The following NDUFAF7 variants were observed in gnomAD, a reference collection of about 807,000 sequenced individuals.
NDUFAF7 encodes the protein NADH:ubiquinone oxidoreductase complex assembly factor 7, also known as protein arginine methyltransferase NDUFAF7, mitochondrial.
A neutral mutation model predicts 47.2 loss-of-function variants in NDUFAF7; 48 were observed. The observed-to-expected ratio is 1.02, with a 90% CI of 0.81 to 1.29. NDUFAF7 has a LOEUF of 1.29. Ranked by LOEUF, NDUFAF7 falls within the 50% of genes most tolerant of loss-of-function variation. NDUFAF7 has a pLI of 0.00. For synonymous variants in NDUFAF7, 217 were observed against 190.0 expected, an observed-to-expected ratio of 1.14 and a Z score of -1.17; for missense variants, 635 against 537.6, an observed-to-expected ratio of 1.18 and a Z score of -1.79.
chr2:37,237,322 A>G (rs1195938045), intron 3 of NDUFAF7, among the ~76,000 whole-genome samples: 4 of 152,234 alleles, frequency 2.6e-5, no homozygotes, highest in African/African-American at 4.8e-5. Context: ...AGTACCTTCT[A>G]TGAATTTAGA....
chr2:37,269,365 T>A, the NDUFAF7 span: 1 of 474,284 alleles, frequency 2.1e-6, no homozygotes, highest in African/African-American at 2.0e-5. Flanking sequence ...CATCTGTATG[T>A]GTGAGCTACA....
downstream of NDUFAF7, among the ~76,000 whole-genome samples, chr2:37,257,505 G>A (rs907424669): frequency 2.6e-5 from 4 of 151,604 alleles, no homozygotes; most frequent in Non-Finnish European, 5.9e-5. Context: ...CTCTACTGAA[G>A]ATACAAAAAA....
rs1332772701 is a variant in NDUFAF7, at chr2:37,231,721, A to G, written c.16A>G (p.Arg6Gly). 3 of 1,614,162 alleles carry G rather than the reference A, an allele frequency of 1.9e-6. No homozygotes were observed. The highest frequency in any genetic ancestry group is 2.5e-6 in the Non-Finnish European group (3 of 1,180,022). Residue 6 changes from arginine (R) to glycine (G), a missense_variant, in exon 1 of 10, where the codon AGG becomes GGG. Transcript: ENST00000002125. ...GAATTTCAGCATGAGTGTACTGCTG[A>G]GGTCAGGTTTGGGGCCGTTGTGTGC... MSVLL[R>G]SGLGPLCAVA...
intron 2 of NDUFAF7, among the ~76,000 whole-genome samples, 174 bp from the exon 3 acceptor site, chr2:37,235,922 T>G (rs1665705544): frequency 6.6e-6 from 1 of 152,186 alleles, no homozygotes; most frequent in Non-Finnish European, 1.5e-5. Context: ...CCTCCCAAAG[T>G]GCTGGGATTA....
chr2:37,237,990 A>G, intron 4 of NDUFAF7, 123 bp downstream of exon 4: 1 of 754,078 alleles, frequency 1.3e-6, no homozygotes. Flanking sequence ...GCTAAAATAT[A>G]ATGTCAGAAT....
chr2:37,265,038 C>CT, the NDUFAF7 span, among the ~76,000 whole-genome samples: 2 of 152,134 alleles, frequency 1.3e-5, no homozygotes, highest in East Asian at 3.8e-4. Context: ...CATCTTTTCT[C>CT]TAAGTATGTG....
rs1397674286 is a variant in NDUFAF7, at chr2:37,247,555, G to T, written c.1036G>T (p.Gly346Ter). 6.2e-7 allele frequency: 1 copy of T among 1,613,994 alleles called. No homozygotes were observed. ...DFSYLRRMAQGKVASLGPIKQ... is the reference protein window; with the variant it reads ...DFSYLRRMAQ ...CAGTTATTTGCGAAGAATGGCACAGGGAAAAGTAGCCTCTCTGGGCCCAAT... is the reference window on the plus strand; with the variant it reads ...CAGTTATTTGCGAAGAATGGCACAGTGAAAAGTAGCCTCTCTGGGCCCAAT... The change falls in exon 9 of 10, where the codon GGA (glycine) becomes TGA (stop). Residue 346 changes from glycine to a stop codon, truncating the protein, a stop_gained. Coordinates refer to ENST00000002125, the MANE Select transcript of NDUFAF7 (RefSeq NM_144736.5). LOFTEE classifies it high-confidence loss of function.
chr2:37,245,455 T>G (rs191554683), intron 7 of NDUFAF7, among the ~76,000 whole-genome samples: 21 of 152,322 alleles, frequency 1.4e-4, no homozygotes, highest in African/African-American at 5.1e-4. Context: ...TTGTGGCCCC[T>G]TAGTTAAGTG....
At chr2:37,256,462 G>T (rs538867757), downstream of NDUFAF7, among the ~76,000 whole-genome samples, 1 of 152,020 alleles carries the variant, frequency 6.6e-6, no homozygotes, top group Admixed American at 6.5e-5. Flanking sequence ...CTATGCCTGG[G>T]AACTATACAG....
downstream of NDUFAF7, chr2:37,253,482 T>G: frequency 1.5e-6 from 1 of 678,626 alleles, no homozygotes; most frequent in Non-Finnish European, 2.4e-6. Flanking sequence ...CTCATAAGTA[T>G]CTACTATGTA....
chr2:37,242,704 G>C lies in NDUFAF7; in HGVS notation c.681+11G>C. The stretch of plus-strand genomic sequence containing the variant: ...GTGCATAAATTTCAGGTATTGAGGG[G>C]GGAAAAAAGTCATGTCTATAATTGA... On this transcript the variant is annotated intron_variant, in intron 6 of 9. Transcript: ENST00000002125. The C allele has an allele frequency of 1.3e-6, 2 of 1,578,006 alleles. No individual in the cohort carries two copies. The highest frequency in any genetic ancestry group is 1.7e-6 in the Non-Finnish European group (2 of 1,147,816).
At chr2:37,254,366 GT>G, downstream of NDUFAF7, 1 of 1,099,528 alleles carries the variant, frequency 9.1e-7, no homozygotes, top group Non-Finnish European at 1.4e-6. Flanking sequence ...CTAGAAGGCA[GT>G]TCAACCCATA....
chr2:37,245,185 G>A (rs1213560047), intron 7 of NDUFAF7, among the ~76,000 whole-genome samples: 1 of 152,190 alleles, frequency 6.6e-6, no homozygotes. Flanking sequence ...TTGTCTACCA[G>A]TAAGCATAGG....
intron 7 of NDUFAF7, among the ~76,000 whole-genome samples, chr2:37,245,599 T>G (rs1183082256): frequency 5.3e-5 from 8 of 152,238 alleles, no homozygotes; most frequent in Non-Finnish European, 1.5e-5. Flanking sequence ...TAATAGGGTC[T>G]GCTTCGTGTT....
the NDUFAF7 span, among the ~76,000 whole-genome samples, chr2:37,258,404 A>G: frequency 6.6e-6 from 1 of 152,212 alleles, no homozygotes; most frequent in Non-Finnish European, 1.5e-5. Flanking sequence ...CATCTTGATA[A>G]GGTAAAGATG....
chr2:37,248,294 C>T lies in NDUFAF7; in HGVS notation c.1270C>T (p.Gln424Ter), dbSNP rs1235662236. 2 of 1,614,164 alleles carry T rather than the reference C, an allele frequency of 1.2e-6. No homozygotes were observed. Among genetic ancestry groups the T allele is most frequent in the East Asian group, 2.2e-5 (1 of 44,878 alleles). The change falls in exon 10 of 10, where the codon CAG becomes TAG. Residue 424 changes from glutamine to a stop codon, truncating the protein, a stop_gained. Transcript: ENST00000002125. LOFTEE classifies it high-confidence loss of function. ...TGGAAGATATCAGAGGAATGCACGT[C>T]AGTCAAAACCCTTTGCATCCGTTGT... ...QGGRYQRNARQSKPFASVVAG... is the reference protein window; with the variant it reads ...QGGRYQRNAR
chr2:37,268,153 G>C, the NDUFAF7 span: 1 of 355,768 alleles, frequency 2.8e-6, no homozygotes, highest in Non-Finnish European at 5.6e-6. Context: ...TATATTTTTG[G>C]TATTTGTTCT....
At chr2:37,258,367 T>C (rs1668143615), downstream of NDUFAF7, among the ~76,000 whole-genome samples, 1 of 152,214 alleles carries the variant, frequency 6.6e-6, no homozygotes, top group East Asian at 1.9e-4. Flanking sequence ...ACTCTTTTTT[T>C]GTTGTTAAAT....
chr2:37,267,388 C>T, the NDUFAF7 span: 1 of 1,312,906 alleles, frequency 7.6e-7, no homozygotes, highest in Non-Finnish European at 1.1e-6. Context: ...CAGATTCTTA[C>T]CAGCCTCTTT....
Sources: allele counts gnomAD v4.1 joint callset (sites outside exome capture counted in the v4.1 genomes callset), GRCh38; gene constraint gnomAD v4.1.1; transcripts MANE v1.5; gene names NCBI Gene and HGNC (gene_info 2026-07-23, HGNC 2026-07-21).